The following ANKRD44 variants were observed in gnomAD, a reference collection of about 807,000 sequenced individuals.
The protein encoded by ANKRD44 is ankyrin repeat domain 44, also known as serine/threonine-protein phosphatase 6 regulatory ankyrin repeat subunit B.
A neutral mutation model predicts 116.0 loss-of-function variants in ANKRD44; 35 were observed. That is an observed-to-expected ratio of 0.30 (90% confidence interval 0.23 to 0.40). The LOEUF (loss-of-function observed/expected upper bound fraction) is 0.40. ANKRD44 is among the 10% of genes least tolerant of loss of function. ANKRD44 has a pLI of 1.00. For missense variants in ANKRD44, 1,014 were observed against 1,242.6 expected, an observed-to-expected ratio of 0.82 and a Z score of 2.77; for synonymous variants, 435 against 461.8, an observed-to-expected ratio of 0.94 and a Z score of 0.74.
intron 2 of ANKRD44, among the ~76,000 whole-genome samples, chr2:197,161,896 C>T (rs2079974344): frequency 6.6e-6 from 1 of 152,156 alleles, no homozygotes; most frequent in Non-Finnish European, 1.5e-5. Context: ...AATCTGACCT[C>T]AAGATGGAAC....
At chr2:197,274,803 T>C (rs1245407050) in intron 1 of ANKRD44, among the ~76,000 whole-genome samples, 1 of 152,016 alleles carries the variant, frequency 6.6e-6, no homozygotes, top group Non-Finnish European at 1.5e-5. Context: ...AGAAAAAAAA[T>C]CACACTCAGT....
chr2:197,077,307 T>C lies in ANKRD44; in HGVS notation c.1650+1396A>G, dbSNP rs1574411166. Among the ~76,000 whole-genome samples the C allele has an allele frequency of 2.6e-5, 4 of 152,330 alleles. No individual in the cohort carries two copies. In the South Asian group the frequency reaches 8.3e-4, roughly 32 times the overall value. On this transcript the variant is annotated intron_variant, in intron 16 of 27. Transcript: ENST00000282272. Reference sequence around the variant, plus strand: ...CTTATGGCCACACATATGTTTTCTTTTGAAATTCACTTAACACTTGTATCA... The same window carrying C: ...CTTATGGCCACACATATGTTTTCTTCTGAAATTCACTTAACACTTGTATCA...
chr2:197,024,404 C>G (rs13409035), intron 17 of ANKRD44, among the ~76,000 whole-genome samples: 9,658 of 152,212 alleles, frequency 0.063, 1,042 homozygotes, highest in African/African-American at 0.22. Flanking sequence ...GTGAGTGCCT[C>G]GGGAAGGTGA....
At chr2:197,299,965 G>T (rs1335911531) in intron 1 of ANKRD44, among the ~76,000 whole-genome samples, 11 of 152,148 alleles carry the variant, frequency 7.2e-5, no homozygotes, top group African/African-American at 2.7e-4. Flanking sequence ...ACAAAATGTT[G>T]CCATGGTACC....
At chr2:197,075,590 A>T (rs1326675251) in intron 16 of ANKRD44, among the ~76,000 whole-genome samples, 1 of 152,232 alleles carries the variant, frequency 6.6e-6, no homozygotes, top group Admixed American at 6.5e-5. Flanking sequence ...GACTTGGCAG[A>T]ATTCTCAACC....
At chr2:197,147,217 G>C in intron 2 of ANKRD44, 112 bp from the exon 3 acceptor site, 4 of 798,414 alleles carry the variant, frequency 5.0e-6, no homozygotes, top group Non-Finnish European at 6.3e-6. Flanking sequence ...GTGGAAGAGT[G>C]TGAACACCAA....
Position 197,177,168 on chromosome 2 carries a change from C to A in ANKRD44, c.111+9855G>T, listed in dbSNP as rs375711487. Among the ~76,000 whole-genome samples, 13 of 152,190 alleles carry A rather than the reference C, an allele frequency of 8.5e-5. No individual in the cohort carries two copies. The South Asian group carries it at 1.9e-3, about 22-fold the overall frequency. On this transcript the variant is annotated intron_variant, in intron 2 of 27. Transcript: ENST00000282272. ...TTGAAACGTAAGAGTTATTACTTTT[C>A]CAAAAAGCTTCTTAAAATTTTTCTG...
At chr2:196,975,434 C>T (rs1012008012) in intron 21 of ANKRD44, among the ~76,000 whole-genome samples, 1 of 152,114 alleles carries the variant, frequency 6.6e-6, no homozygotes, top group Admixed American at 6.5e-5. Flanking sequence ...GAGGAAGGAA[C>T]ATTTCTGAAC....
In ANKRD44 at chr2:197,279,204, C is replaced by T. The variant is rs115566938; in HGVS notation, c.27+31374G>A. ...GATTTAAGAGATGCTGGTGATAGAA[C>T]ATTTCCCTCTCCTAACTAATAAAAC... On this transcript the variant is annotated intron_variant, in intron 1 of 27. Coordinates refer to ENST00000282272, the MANE Select transcript of ANKRD44 (RefSeq NM_001195144.2). 1.8e-3 allele frequency among the ~76,000 whole-genome samples: 279 copies of T among 152,234 alleles called. 1 individual carries two copies. Among genetic ancestry groups the T allele is most frequent in the African/African-American group, 6.3e-3 (260 of 41,520 alleles).
chr2:197,141,569 C>T (rs553635995), intron 3 of ANKRD44, among the ~76,000 whole-genome samples: 2 of 152,154 alleles, frequency 1.3e-5, no homozygotes, highest in Admixed American at 1.3e-4. Context: ...CGGGGTGTAA[C>T]GACACCAGCA....
chr2:197,153,462 G>A (rs576561336), intron 2 of ANKRD44, among the ~76,000 whole-genome samples: 1 of 152,084 alleles, frequency 6.6e-6, no homozygotes, highest in East Asian at 1.9e-4. Flanking sequence ...ACACACAACA[G>A]GTACCTCGGA....
chr2:196,979,598 T>C (rs2075786590), intron 21 of ANKRD44, among the ~76,000 whole-genome samples: 3 of 143,032 alleles, frequency 2.1e-5, no homozygotes, highest in South Asian at 4.5e-4. Flanking sequence ...AGTTTGGCTC[T>C]TGTTGCCCAG....
At chr2:197,208,806 AT>A (rs1211783498) in intron 1 of ANKRD44, among the ~76,000 whole-genome samples, 1 of 152,072 alleles carries the variant, frequency 6.6e-6, no homozygotes, top group Non-Finnish European at 1.5e-5. Context: ...TCTCAAAAAA[AT>A]AAAAAATAAA....
downstream of ANKRD44, among the ~76,000 whole-genome samples, chr2:196,983,250 T>C (rs975760077): frequency 2.0e-5 from 3 of 152,200 alleles, no homozygotes; most frequent in Non-Finnish European, 2.9e-5. Context: ...GCCATTTTTC[T>C]GCTTACATTT....
chr2:197,053,702 T>G (rs1363303017), intron 16 of ANKRD44, among the ~76,000 whole-genome samples: 1 of 152,184 alleles, frequency 6.6e-6, no homozygotes, highest in Non-Finnish European at 1.5e-5. Flanking sequence ...AGGCTGGTCA[T>G]GAACTCCTCA....
rs74904455 is a variant in ANKRD44, at chr2:197,276,535, T to C, written c.27+34043A>G. Among the ~76,000 whole-genome samples the C allele has an allele frequency of 6.0e-3, 909 of 152,274 alleles. 10 individuals are homozygous for C. Among genetic ancestry groups the C allele is most frequent in the African/African-American group, 0.021 (859 of 41,570 alleles). On this transcript the variant is annotated intron_variant, in intron 1 of 27. Transcript: ENST00000282272. ...ACTATTCAGCTGAATATTTCTTAAA[T>C]ACAAACTGATTTATGAGCAAAAATG...
intron 2 of ANKRD44, among the ~76,000 whole-genome samples, chr2:197,172,049 G>A (rs1387054305): frequency 7.0e-6 from 1 of 143,670 alleles, no homozygotes; most frequent in Non-Finnish European, 1.5e-5. Context: ...CTCCCAGGCT[G>A]GAGTGCAGTG....
intron 1 of ANKRD44, among the ~76,000 whole-genome samples, chr2:197,292,083 A>G (rs1173282880): frequency 6.6e-6 from 1 of 152,246 alleles, no homozygotes; most frequent in East Asian, 1.9e-4. Context: ...AGTGATGGAC[A>G]TTTGAATTGG....
rs770826555 is a variant in ANKRD44 at position 196,987,016 on chromosome 2, A to ATAT, written c.*2572_*2574dup. 5.4e-5 allele frequency: 53 copies of ATAT among 985,352 alleles called. No individual in the cohort carries two copies. The East Asian group carries it at 5.0e-3, about 93-fold the overall frequency. The allele number at this position is 985,352 out of a possible 1,614,324, so 61.0% of individuals were successfully genotyped here. ...TTGTATCATCGTGCTTTACAAAGAT[A>ATAT]TATTGCACATGCTAGAGCATAAAAT... On this transcript the variant is annotated 3_prime_UTR_variant, in exon 28 of 28. Coordinates refer to ENST00000282272, the MANE Select transcript of ANKRD44 (RefSeq NM_001195144.2).
Sources: allele counts gnomAD v4.1 joint callset (sites outside exome capture counted in the v4.1 genomes callset), GRCh38; gene constraint gnomAD v4.1.1; transcripts MANE v1.5; gene names NCBI Gene and HGNC (gene_info 2026-07-23, HGNC 2026-07-21).